Variants in ARHGAP15 observed in about 807,000 individuals in gnomAD.
The protein encoded by ARHGAP15 is Rho GTPase activating protein 15.
Under a neutral mutation model 63.7 loss-of-function variants are expected in ARHGAP15, and 51 were observed. The ratio of observed to expected loss-of-function variants is 0.80; its 90% CI spans 0.64 to 1.01. ARHGAP15 has a LOEUF of 1.01. Among genes scored for constraint, ARHGAP15 ranks in the 50% least tolerant of loss-of-function variants. The probability of loss-of-function intolerance (pLI) is 0.00; values close to 1 mark genes in which losing one functional copy is unlikely to be tolerated. For synonymous variants in ARHGAP15, 191 were observed against 193.8 expected (o/e 0.99, Z 0.12); for missense variants, 560 against 564.6 (o/e 0.99, Z 0.08).
intron 2 of ARHGAP15, 67 bp downstream of exon 2, chr2:143,155,722 A>AG (rs1690051545): frequency 6.9e-7 from 1 of 1,440,840 alleles, no homozygotes; most frequent in Non-Finnish European, 9.3e-7. Context: ...GAAAAAAAAA[A>AG]GCTAATTAGT....
At chr2:143,673,758 G>GTGTGTGTGTATATATATATATA (rs1553520615) in intron 12 of ARHGAP15, among the ~76,000 whole-genome samples, 3 of 22,126 alleles carry the variant, frequency 1.4e-4, no homozygotes, top group East Asian at 3.3e-3. Context: ...GTGTGTGTGT[G>GTGTGTGTGTATATATATATATA]TATATATATA....
intron 5 of ARHGAP15, among the ~76,000 whole-genome samples, chr2:143,239,861 C>A (rs1418873958): frequency 6.6e-6 from 1 of 151,698 alleles, no homozygotes. Context: ...TGTGGTGGTG[C>A]CCACCTGCAA....
intron 11 of ARHGAP15, among the ~76,000 whole-genome samples, chr2:143,597,495 A>G (rs995291505): frequency 6.6e-5 from 10 of 152,102 alleles, no homozygotes; most frequent in African/African-American, 2.4e-4. Flanking sequence ...TCAAGATGCC[A>G]GTCGCCAGCT....
At chr2:143,650,625 T>C (rs575905388) in intron 12 of ARHGAP15, among the ~76,000 whole-genome samples, 2 of 152,058 alleles carry the variant, frequency 1.3e-5, no homozygotes, top group African/African-American at 4.8e-5. Flanking sequence ...AAAGCACCTT[T>C]GCCTTGTTTT....
At chr2:143,160,011 T>G (rs988497381) in intron 2 of ARHGAP15, among the ~76,000 whole-genome samples, 2 of 151,910 alleles carry the variant, frequency 1.3e-5, no homozygotes, top group South Asian at 4.1e-4. Context: ...TGGCTGATCT[T>G]TTTTCATTAA....
At position 143,196,780 on chromosome 2, in the gene ARHGAP15, A is replaced by G. The variant is rs975070656; in HGVS notation, c.166-5354A>G. Among the ~76,000 whole-genome samples the G allele has an allele frequency of 3.9e-5, 6 of 152,022 alleles. No individual in the cohort carries two copies. In the East Asian group the frequency reaches 1.2e-3, roughly 29 times the overall value. ...TATATACATGTTCTATTCTGTTTAGAGGGGGGACCTATATACTATATAAAA... is the reference window on the plus strand; with the variant it reads ...TATATACATGTTCTATTCTGTTTAGGGGGGGGACCTATATACTATATAAAA... On this transcript the variant is annotated intron_variant, in intron 2 of 13. Coordinates refer to ENST00000295095, the MANE Select transcript of ARHGAP15 (RefSeq NM_018460.4).
intron 6 of ARHGAP15, among the ~76,000 whole-genome samples, chr2:143,261,152 A>G (rs561935989): frequency 6.6e-6 from 1 of 152,184 alleles, no homozygotes; most frequent in African/African-American, 2.4e-5. Context: ...CAGCTACTTA[A>G]CACTAAATTC....
chr2:143,346,168 ACACACT>A lies in ARHGAP15; in HGVS notation c.475-89431_475-89426del, dbSNP rs1364452180. Among the ~76,000 whole-genome samples the A allele has an allele frequency of 2.0e-4, 23 of 112,886 alleles. No homozygotes were observed. In the Admixed American group the frequency reaches 2.2e-3, roughly 11 times the overall value. 74.1% of individuals were successfully genotyped at this position (112,886 alleles called of 152,430 possible). On this transcript the variant is annotated intron_variant, in intron 6 of 13. Transcript: ENST00000295095. ...TGTACAAATGAGCACACACACACACACACACTCTCTCTCTCACACACACACTCTCTC... is the reference window on the plus strand; with the variant it reads ...TGTACAAATGAGCACACACACACACACTCTCTCTCACACACACACTCTCTC...
intron 6 of ARHGAP15, among the ~76,000 whole-genome samples, chr2:143,333,904 TTAA>T (rs1684659101): frequency 1.3e-5 from 2 of 152,200 alleles, no homozygotes; most frequent in Admixed American, 6.5e-5. Flanking sequence ...GTTTCTTGTC[TTAA>T]TAAAATCCTA....
chr2:143,304,025 C>T (rs1326145947), intron 6 of ARHGAP15, among the ~76,000 whole-genome samples: 1 of 152,140 alleles, frequency 6.6e-6, no homozygotes, highest in East Asian at 1.9e-4. Flanking sequence ...ACTAGTTCAA[C>T]CATTGTGCAA....
intron 6 of ARHGAP15, among the ~76,000 whole-genome samples, chr2:143,287,001 T>G (rs1682138633): frequency 6.6e-6 from 1 of 152,070 alleles, no homozygotes; most frequent in Non-Finnish European, 1.5e-5. Context: ...GCCAGGTGGG[T>G]AGAGCCCATC....
intron 5 of ARHGAP15, chr2:143,235,830 TC>T: frequency 7.9e-7 from 1 of 1,263,638 alleles, no homozygotes; most frequent in Admixed American, 3.1e-5. Flanking sequence ...TGACTCACAC[TC>T]CTTGTATTTT....
At chr2:143,689,776 T>C (rs1352904884) in intron 12 of ARHGAP15, among the ~76,000 whole-genome samples, 1 of 152,228 alleles carries the variant, frequency 6.6e-6, no homozygotes, top group East Asian at 1.9e-4. Flanking sequence ...TTTGCCAGTC[T>C]CCACCCTTTC....
chr2:143,268,177 T>C (rs1681091997), intron 6 of ARHGAP15, among the ~76,000 whole-genome samples: 1 of 124,198 alleles, frequency 8.1e-6, no homozygotes, highest in African/African-American at 3.2e-5. Flanking sequence ...AGAGTGTAGT[T>C]TTTTTTTTTT....
At chr2:143,573,698 T>C (rs995941056) in intron 11 of ARHGAP15, among the ~76,000 whole-genome samples, 2 of 152,198 alleles carry the variant, frequency 1.3e-5, no homozygotes, top group Admixed American at 1.3e-4. Context: ...AGTATTATTT[T>C]CCATATGTGC....
chr2:143,604,374 C>T (rs1202855781), intron 11 of ARHGAP15, among the ~76,000 whole-genome samples: 5 of 152,308 alleles, frequency 3.3e-5, no homozygotes, highest in South Asian at 2.1e-4. Context: ...CTGTTCTTCA[C>T]GCATCTGAAG....
intron 2 of ARHGAP15, among the ~76,000 whole-genome samples, chr2:143,183,785 C>T (rs1199846891): frequency 2.0e-5 from 3 of 150,028 alleles, no homozygotes; most frequent in African/African-American, 7.4e-5. Flanking sequence ...TTACTGGAAG[C>T]AAAATTGACC....
At position 143,435,615 on chromosome 2, in the gene ARHGAP15, A is replaced by G. The variant is rs1274036959; in HGVS notation, c.489A>G (p.Ser163=). ...TTTTTTTGCAGATCACAACAGTATC[A>G]GGAAATGAGTTCCTTCTACAGTCAG... The part of the protein sequence containing the change: ...RKNVFQITTV[S]GNEFLLQSDI... Residue 163 remains serine, a synonymous_variant, in exon 7 of 14, where the codon TCA becomes TCG. Coordinates refer to ENST00000295095, the MANE Select transcript of ARHGAP15 (RefSeq NM_018460.4). 1 of 1,577,646 alleles carries G rather than the reference A, an allele frequency of 6.3e-7. No homozygotes were observed. The highest frequency in any genetic ancestry group is 1.9e-5 in the Admixed American group (1 of 53,952).
intron 4 of ARHGAP15, among the ~76,000 whole-genome samples, chr2:143,222,089 G>A (rs1693024661): frequency 6.6e-6 from 1 of 152,178 alleles, no homozygotes; most frequent in African/African-American, 2.4e-5. Context: ...TGACAGAGAT[G>A]GGTATTTTTA....
Sources: allele counts gnomAD v4.1 joint callset (sites outside exome capture counted in the v4.1 genomes callset), GRCh38; gene constraint gnomAD v4.1.1; transcripts MANE v1.5; gene names NCBI Gene and HGNC (gene_info 2026-07-23, HGNC 2026-07-21).